The following NT5E variants were observed in gnomAD, a reference collection of about 807,000 sequenced individuals.
NT5E encodes the protein 5'-nucleotidase ecto.
NT5E carries 53 observed loss-of-function variants against 55.1 expected under a neutral mutation model. The observed-to-expected ratio is 0.96, with a 90% CI of 0.77 to 1.21. The LOEUF is 1.21. Ranked by LOEUF, NT5E falls within the 50% of genes most tolerant of loss-of-function variation. The probability of loss-of-function intolerance (pLI) is 0.00; values close to 1 mark genes in which losing one functional copy is unlikely to be tolerated. For synonymous variants in NT5E, 270 were observed against 278.4 expected, an observed-to-expected ratio of 0.97 and a Z score of 0.30; for missense variants, 683 against 724.3, an observed-to-expected ratio of 0.94 and a Z score of 0.65.
chr6:85,492,187 A>T lies in NT5E; in HGVS notation c.1561+10A>T. ...TTAAGACATGACTCTGGTAAGCATG[A>T]CTGTCTCTTCCTTTCTCTAAAGAAC... On this transcript the variant is annotated intron_variant, in intron 8 of 8. Coordinates refer to ENST00000257770, the MANE Select transcript of NT5E (RefSeq NM_002526.4). The T allele has an allele frequency of 6.2e-7, 1 of 1,612,872 alleles. No individual in the cohort carries two copies. The highest frequency in any genetic ancestry group is 1.1e-5 in the South Asian group (1 of 91,062).
chr6:85,490,592 A>G lies in NT5E; in HGVS notation c.1295A>G (p.Lys432Arg). The change falls in exon 7 of 9, where the codon AAG (lysine) becomes AGG (arginine). Residue 432 changes from lysine to arginine, a missense_variant. Lys to Arg is a conservative substitution (Grantham distance 26). Transcript: ENST00000257770. ...GTCCAGTTAAAAGGTTCCACCCTGA[A>G]GAAGGCCTTTGAGCATAGCGTGCAC... is the stretch of plus-strand genomic sequence containing the variant. ...DLVQLKGSTL[K>R]KAFEHSVHRY... The G allele has an allele frequency of 1.9e-6, 3 of 1,614,204 alleles. No homozygotes were observed. Among genetic ancestry groups the G allele is most frequent in the Non-Finnish European group, 1.7e-6 (2 of 1,180,012 alleles).
At position 85,495,733 on chromosome 6, in the gene NT5E, T is replaced by A. The variant is rs1170864779; in HGVS notation, c.*1729T>A. ...TTGTGAAGTGGTATAAGAAATGACTTTGAACCACTTTGCAATTGTAGATTC... is the reference window on the plus strand; with the variant it reads ...TTGTGAAGTGGTATAAGAAATGACTATGAACCACTTTGCAATTGTAGATTC... On this transcript the variant is annotated 3_prime_UTR_variant, in exon 9 of 9. Coordinates refer to ENST00000257770, the MANE Select transcript of NT5E (RefSeq NM_002526.4). 1.3e-5 allele frequency: 2 copies of A among 152,186 alleles called. No homozygotes were observed. The highest frequency in any genetic ancestry group is 4.8e-5 in the African/African-American group (2 of 41,436). 9.4% of individuals were successfully genotyped at this position (152,186 alleles called of 1,614,324 possible). A position where few individuals can be genotyped will look rare whatever the true frequency, so the allele number is the denominator to read the frequency against.
Position 85,467,251 on chromosome 6 carries a change from T to G in NT5E, c.531T>G (p.Thr177=). The G allele has an allele frequency of 6.2e-7, 1 of 1,614,168 alleles. No homozygotes were observed. Among genetic ancestry groups the G allele is most frequent in the Non-Finnish European group, 8.5e-7 (1 of 1,180,004 alleles). The part of the protein sequence containing the change: ...GDEVVGIVGY[T]SKETPFLSNP... ...AAGTTGTGGGAATCGTTGGATACAC[T>G]TCCAAAGAAACCCCTTTTCTCTCAA... Residue 177 remains threonine, a synonymous_variant, in exon 2 of 9, where the codon ACT becomes ACG. Coordinates refer to ENST00000257770, the MANE Select transcript of NT5E (RefSeq NM_002526.4).
rs1220301279 is a variant in NT5E at position 85,467,282 on chromosome 6, G to C, written c.562G>C (p.Gly188Arg). 1 of 1,613,084 alleles carries C rather than the reference G, an allele frequency of 6.2e-7. No homozygotes were observed. Among genetic ancestry groups the C allele is most frequent in the African/African-American group, 1.3e-5 (1 of 74,878 alleles). The change falls in exon 2 of 9, where the codon GGG (glycine) becomes CGG (arginine). Residue 188 changes from glycine to arginine, a missense_variant and splice_region_variant. Physicochemically the swap from Gly to Arg is moderately radical, Grantham distance 125 (BLOSUM62 -2). Coordinates refer to ENST00000257770, the MANE Select transcript of NT5E (RefSeq NM_002526.4). ...AGAAACCCCTTTTCTCTCAAATCCA[G>C]GTATTTTCTACTTTTATAGCACTCA... ...SKETPFLSNPGTNLVFEDEIT... is the reference protein window; with the variant it reads ...SKETPFLSNPRTNLVFEDEIT...
intron 8 of NT5E, 73 bp from the exon 9 acceptor site, chr6:85,493,768 T>C: frequency 7.5e-7 from 1 of 1,339,334 alleles, no homozygotes; most frequent in Non-Finnish European, 1.1e-6. Context: ...CCTTTTATAA[T>C]TACAAAGGAC....
At chr6:85,479,972 G>A (rs968777902) in intron 3 of NT5E, among the ~76,000 whole-genome samples, 4 of 152,026 alleles carry the variant, frequency 2.6e-5, no homozygotes, top group Non-Finnish European at 5.9e-5. Flanking sequence ...GAGGCTGGCA[G>A]AAAGCTAAGT....
intron 3 of NT5E, among the ~76,000 whole-genome samples, chr6:85,473,843 C>T (rs1308712448): frequency 6.6e-6 from 1 of 152,240 alleles, no homozygotes; most frequent in Admixed American, 6.5e-5. Context: ...AAAGGAGTTT[C>T]ATCCCTTCAT....
At position 85,490,608 on chromosome 6, in the gene NT5E, T is replaced by C. The variant is rs1394254484; in HGVS notation, c.1311T>C (p.His437=). 3.7e-6 allele frequency: 6 copies of C among 1,614,082 alleles called. No individual in the cohort carries two copies. Among genetic ancestry groups the C allele is most frequent in the East Asian group, 4.5e-5 (2 of 44,888 alleles). The part of the protein sequence containing the change: ...KGSTLKKAFE[H]SVHRYGQSTG... ...CCACCCTGAAGAAGGCCTTTGAGCA[T>C]AGCGTGCACCGCTACGGCCAGTCCA... The change falls in exon 7 of 9, where the codon CAT becomes CAC. Residue 437 remains histidine, a synonymous_variant. Coordinates refer to ENST00000257770, the MANE Select transcript of NT5E (RefSeq NM_002526.4).
At chr6:85,483,276 G>T (rs190745414) in intron 3 of NT5E, among the ~76,000 whole-genome samples, 1 of 152,212 alleles carries the variant, frequency 6.6e-6, no homozygotes, top group Non-Finnish European at 1.5e-5. Flanking sequence ...CCGCCACCTT[G>T]TGGACATTTG....
At chr6:85,488,899 T>C (rs556294921) in intron 5 of NT5E, among the ~76,000 whole-genome samples, 18 of 147,950 alleles carry the variant, frequency 1.2e-4, no homozygotes, top group East Asian at 3.9e-4. Flanking sequence ...TTTTTTTTTT[T>C]CGGCTTTTTG....
intron 1 of NT5E, among the ~76,000 whole-genome samples, chr6:85,465,934 C>T (rs1271353121): frequency 6.6e-6 from 1 of 152,200 alleles, no homozygotes; most frequent in East Asian, 1.9e-4. Context: ...CATGCCTGTT[C>T]CTAGATGACC....
In NT5E at chr6:85,487,479, G is replaced by A. The variant is rs143679828; in HGVS notation, c.1094G>A (p.Cys365Tyr). ...GAATGCAACATGGGCAACCTGATTT[G>A]TGATGCAATGGTAAGTCATCAGCAG... The part of the protein sequence containing the change: ...FRECNMGNLI[C>Y]DAMINNNLRH... Residue 365 changes from cysteine to tyrosine, a missense_variant, in exon 5 of 9, where the codon TGT (cysteine) becomes TAT (tyrosine). Transcript: ENST00000257770. 1 of 1,614,208 alleles carries A rather than the reference G, an allele frequency of 6.2e-7. No individual in the cohort carries two copies. Among genetic ancestry groups the A allele is most frequent in the South Asian group, 1.1e-5 (1 of 91,086 alleles).
intron 1 of NT5E, among the ~76,000 whole-genome samples, chr6:85,460,523 CTT>C (rs1769075259): frequency 6.6e-6 from 1 of 152,162 alleles, no homozygotes; most frequent in Admixed American, 6.5e-5. Flanking sequence ...ATCCTTCTGA[CTT>C]TTCTCTTTAT....
At chr6:85,451,128 C>G (rs1025749954) in intron 1 of NT5E, among the ~76,000 whole-genome samples, 5 of 152,106 alleles carry the variant, frequency 3.3e-5, no homozygotes, top group Admixed American at 1.3e-4. Flanking sequence ...GTACATAGTG[C>G]ACATAGTGTG....
intron 1 of NT5E, among the ~76,000 whole-genome samples, chr6:85,461,594 C>A (rs1769099122): frequency 6.6e-6 from 1 of 152,202 alleles, no homozygotes; most frequent in African/African-American, 2.4e-5. Context: ...CTCTGACGAG[C>A]CACTGGTACA....
In NT5E at chr6:85,475,093, A is replaced by G. The variant is rs117803190; in HGVS notation, c.751+3668A>G. 7.6e-3 allele frequency among the ~76,000 whole-genome samples: 1,160 copies of G among 152,362 alleles called. 3 individuals carry two copies. The highest frequency in any genetic ancestry group is 0.012 in the Non-Finnish European group (830 of 68,038). ...GACATTAAAATAATGAATCTGATAA[A>G]TATGATTAGTTAATAAAAATACAGT... On this transcript the variant is annotated intron_variant, in intron 3 of 8. Coordinates refer to ENST00000257770, the MANE Select transcript of NT5E (RefSeq NM_002526.4).
At chr6:85,485,168 C>T (rs977866430) in intron 3 of NT5E, 67 bp from the exon 4 acceptor site, 62 of 1,488,120 alleles carry the variant, frequency 4.2e-5, no homozygotes, top group Non-Finnish European at 4.9e-5. Flanking sequence ...GCCAGTAGCC[C>T]GCTGGCCTAC....
chr6:85,489,591 G>A lies in NT5E; in HGVS notation c.1202G>A (p.Arg401His), dbSNP rs139549986. The change falls in exon 6 of 9, where the codon CGC (arginine) becomes CAC (histidine). Residue 401 changes from arginine to histidine, a missense_variant. Transcript: ENST00000257770. Reference protein sequence around the residue: ...GGGIRSPIDERNNGTITWENL... With the variant: ...GGGIRSPIDEHNNGTITWENL... ...GGTATCCGGTCGCCCATTGATGAACGCAACAATGGTATGCTCCCAGGCCCA... is the reference window on the plus strand; with the variant it reads ...GGTATCCGGTCGCCCATTGATGAACACAACAATGGTATGCTCCCAGGCCCA... 3.7e-6 allele frequency: 6 copies of A among 1,607,512 alleles called. No individual in the cohort carries two copies. Among genetic ancestry groups the A allele is most frequent in the East Asian group, 2.2e-5 (1 of 44,792 alleles).
intron 1 of NT5E, among the ~76,000 whole-genome samples, chr6:85,464,962 G>T (rs912688232): frequency 1.3e-5 from 2 of 152,146 alleles, no homozygotes; most frequent in African/African-American, 4.8e-5. Flanking sequence ...TGGTAAGCTT[G>T]GGACACTTTT....
Sources: allele counts gnomAD v4.1 joint callset (sites outside exome capture counted in the v4.1 genomes callset), GRCh38; gene constraint gnomAD v4.1.1; transcripts MANE v1.5; gene names NCBI Gene and HGNC (gene_info 2026-07-23, HGNC 2026-07-21).